The following WDHD1 variants were observed in gnomAD, a reference collection of about 807,000 sequenced individuals.
The protein encoded by WDHD1 is WD repeat and HMG-box DNA-binding protein 1.
Under a neutral mutation model 135.4 loss-of-function variants are expected in WDHD1, and 111 were observed. The observed-to-expected ratio is 0.82, with a 90% CI of 0.70 to 0.96. The LOEUF is 0.96. Among genes scored for constraint, WDHD1 ranks in the 40% least tolerant of loss-of-function variants. WDHD1 has a pLI of 0.00. For missense variants in WDHD1, 1,351 were observed against 1,336.3 expected (o/e 1.01, Z -0.17); for synonymous variants, 434 against 439.0 (o/e 0.99, Z 0.14).
Position 54,957,114 on chromosome 14 carries a change from A to G in WDHD1, c.2836T>C (p.Ser946Pro), listed in dbSNP as rs1278011119. 6.2e-7 allele frequency: 1 copy of G among 1,614,100 alleles called. No individual in the cohort carries two copies. Among genetic ancestry groups the G allele is most frequent in the Non-Finnish European group, 8.5e-7 (1 of 1,180,012 alleles). ...LDNMGKSSKK[S>P]TALSRTTNNE... ...TTTGTAGTTCGACTAAGTGCAGTGG[A>G]TTTCTTGGATGATTTGCCCATATTG... Residue 946 changes from serine (S) to proline (P), a missense_variant, in exon 23 of 26, where the codon TCC (serine) becomes CCC (proline). By Grantham distance (74) the Ser-to-Pro change is moderately conservative (BLOSUM62 -1). Around this residue, in one of 2 missense-constraint regions of WDHD1, gnomAD observed 1,330 missense variants for 1,296.1 expected, o/e 1.03. Transcript: ENST00000360586.
At chr14:54,968,020 CATTA>C (rs1330626412) in intron 16 of WDHD1, among the ~76,000 whole-genome samples, 2 of 152,086 alleles carry the variant, frequency 1.3e-5, no homozygotes. Flanking sequence ...AAAATTGTAC[CATTA>C]ATACCTGTCA....
At chr14:54,955,411 C>G in intron 24 of WDHD1, 150 bp downstream of exon 24, 1 of 559,672 alleles carries the variant, frequency 1.8e-6, no homozygotes, top group Non-Finnish European at 2.7e-6. Context: ...ATATTTGTGG[C>G]TTCCTTATAG....
chr14:55,021,121 CTT>C (rs1277949398), intron 2 of WDHD1, among the ~76,000 whole-genome samples: 1 of 152,146 alleles, frequency 6.6e-6, no homozygotes, highest in Non-Finnish European at 1.5e-5. Flanking sequence ...CCGTCTGACT[CTT>C]TTCCTTTTTA....
At chr14:54,959,536 G>A (rs2041215527) in intron 21 of WDHD1, among the ~76,000 whole-genome samples, 1 of 152,104 alleles carries the variant, frequency 6.6e-6, no homozygotes, top group African/African-American at 2.4e-5. Flanking sequence ...GCTAAGGCAG[G>A]AGGGTCACTT....
At chr14:54,955,950 T>C (rs1459348193) in intron 23 of WDHD1, among the ~76,000 whole-genome samples, 1 of 142,590 alleles carries the variant, frequency 7.0e-6, no homozygotes, top group East Asian at 2.0e-4. Flanking sequence ...CAGGCTGGAG[T>C]GCAGTGGCGC....
chr14:54,955,652 T>G lies in WDHD1; in HGVS notation c.2959A>C (p.Asn987His). The G allele has an allele frequency of 1.3e-5, 20 of 1,588,468 alleles. No individual in the cohort carries two copies. Among genetic ancestry groups the G allele is most frequent in the Non-Finnish European group, 1.7e-5 (20 of 1,170,488 alleles). The stretch of plus-strand genomic sequence containing the variant: ...TCTTCTTTCACTTCCTCAGTTTTAT[T>G]AGTTTGAGAATTTCTTTTCTGGAAA... ...SYFQKRNSQT[N>H]KTEEVKEENL... The change falls in exon 24 of 26, where the codon AAT becomes CAT. Residue 987 changes from asparagine to histidine, a missense_variant. Asn to His is a moderately conservative substitution (Grantham distance 68, BLOSUM62 1). Transcript: ENST00000360586.
chr14:54,965,127 T>G (rs948250462), intron 18 of WDHD1, among the ~76,000 whole-genome samples: 1 of 152,218 alleles, frequency 6.6e-6, no homozygotes, highest in Non-Finnish European at 1.5e-5. Context: ...ATTAAAAGTC[T>G]GGACCATTCA....
chr14:54,972,915 T>A (rs908538307), intron 16 of WDHD1, among the ~76,000 whole-genome samples: 1 of 152,134 alleles, frequency 6.6e-6, no homozygotes, highest in Non-Finnish European at 1.5e-5. Context: ...TGGTAACAGG[T>A]CAACGGGGCA....
intron 16 of WDHD1, among the ~76,000 whole-genome samples, chr14:54,977,632 G>T (rs1435672163): frequency 2.0e-5 from 3 of 152,064 alleles, no homozygotes; most frequent in Non-Finnish European, 1.5e-5. Context: ...AAGGACTCTT[G>T]TTCAAGTCCA....
At chr14:54,992,221 T>C (rs1180055075) in intron 11 of WDHD1, among the ~76,000 whole-genome samples, 6 of 150,916 alleles carry the variant, frequency 4.0e-5, no homozygotes. Context: ...CTGGGCACAG[T>C]GGCTCAGGCC....
At position 54,957,196 on chromosome 14, in the gene WDHD1, G is replaced by A. The variant is rs367731286; in HGVS notation, c.2754C>T (p.Ala918=). 4 of 1,613,402 alleles carry A rather than the reference G, an allele frequency of 2.5e-6. No individual in the cohort carries two copies. The highest frequency in any genetic ancestry group is 3.4e-6 in the Non-Finnish European group (4 of 1,179,704). The change falls in exon 23 of 26, where the codon GCC becomes GCT. Residue 918 remains alanine (A), a synonymous_variant. Coordinates refer to ENST00000360586, the MANE Select transcript of WDHD1 (RefSeq NM_007086.4). ...TTGACATGGCTGGTTCTTTGGAACT[G>A]GCTGATACCTAAAGAGCAAACTAGT... ...QGRVNPFKVS[A]SSKEPAMSMN... is the part of the protein sequence containing the mutation.
In WDHD1 at chr14:55,000,968, G is replaced by T. The variant is rs1305744466; in HGVS notation, c.718C>A (p.Pro240Thr). 13 of 1,585,700 alleles carry T rather than the reference G, an allele frequency of 8.2e-6. No homozygotes were observed. Among genetic ancestry groups the T allele is most frequent in the Non-Finnish European group, 1.1e-5 (13 of 1,167,552 alleles). Residue 240 changes from proline to threonine, a missense_variant, in exon 9 of 26, where the codon CCC becomes ACC. By Grantham distance (38) the Pro-to-Thr change is conservative (BLOSUM62 -1). Coordinates refer to ENST00000360586, the MANE Select transcript of WDHD1 (RefSeq NM_007086.4). ...SQTLNIVTWS[P>T]CGQYLAAGSI... Reference sequence around the variant, plus strand: ...CCTGCAGCTAAATATTGCCCACAGGGAGACCAGGTTACTATATTGAGGGTC... The same window carrying T: ...CCTGCAGCTAAATATTGCCCACAGGTAGACCAGGTTACTATATTGAGGGTC...
At chr14:54,953,888 C>T (rs550784699) in intron 24 of WDHD1, among the ~76,000 whole-genome samples, 14 of 152,162 alleles carry the variant, frequency 9.2e-5, no homozygotes, top group East Asian at 1.9e-4. Context: ...AACCAAACAC[C>T]GCATGTTCTC....
chr14:55,024,949 TCCCGTAAAGGGTCTGTG>T (rs1390365275), intron 2 of WDHD1, among the ~76,000 whole-genome samples: 1 of 99,950 alleles, frequency 1.0e-5, no homozygotes, highest in African/African-American at 3.1e-5. Context: ...GACCTGACCG[TCCCGTAAAGGGTCTGTG>T]CTGAGGAGGA....
chr14:54,982,472 A>G (rs1199449403), intron 15 of WDHD1, among the ~76,000 whole-genome samples: 1 of 152,126 alleles, frequency 6.6e-6, no homozygotes, highest in Non-Finnish European at 1.5e-5. Flanking sequence ...TGGCCTTGTC[A>G]CTACTCTGTC....
intron 18 of WDHD1, among the ~76,000 whole-genome samples, chr14:54,966,199 G>A (rs1009756441): frequency 2.0e-5 from 3 of 149,012 alleles, no homozygotes; most frequent in East Asian, 1.9e-4. Context: ...TTAGCTAGGC[G>A]TGGTGGTGTG....
chr14:54,972,601 G>C (rs2041459008), intron 16 of WDHD1, among the ~76,000 whole-genome samples: 4 of 110,208 alleles, frequency 3.6e-5, no homozygotes, highest in Admixed American at 9.9e-5. Context: ...TGCCAATGAG[G>C]CATATTCACT....
intron 7 of WDHD1, among the ~76,000 whole-genome samples, chr14:55,006,649 T>C (rs1292120595): frequency 1.3e-5 from 2 of 152,202 alleles, no homozygotes; most frequent in Non-Finnish European, 2.9e-5. Flanking sequence ...TATCAGTTAG[T>C]ACCTCCAAAA....
chr14:55,009,630 C>G (rs1473624862), intron 4 of WDHD1, among the ~76,000 whole-genome samples: 1 of 152,060 alleles, frequency 6.6e-6, no homozygotes, highest in Non-Finnish European at 1.5e-5. Context: ...CGAGGTTTCA[C>G]TGTGTTGGCC....
Sources: allele counts gnomAD v4.1 joint callset (sites outside exome capture counted in the v4.1 genomes callset), GRCh38; gene constraint gnomAD v4.1.1; regional missense constraint gnomAD v4.1.1; transcripts MANE v1.5; gene names NCBI Gene and HGNC (gene_info 2026-07-23, HGNC 2026-07-21).